The following FERMT2 variants were observed in gnomAD, a reference collection of about 807,000 sequenced individuals.
FERMT2 encodes the protein fermitin family homolog 2.
Under a neutral mutation model 82.7 loss-of-function variants are expected in FERMT2, and 15 were observed. The ratio of observed to expected loss-of-function variants is 0.18; its 90% CI spans 0.12 to 0.28. The LOEUF is 0.28. Ranked by LOEUF, FERMT2 falls within the 10% of genes least tolerant of loss-of-function variation. The probability of loss-of-function intolerance (pLI) is 1.00; values close to 1 mark genes in which losing one functional copy is unlikely to be tolerated. For synonymous variants in FERMT2, 274 were observed against 271.5 expected, an observed-to-expected ratio of 1.01 and a Z score of -0.09; for missense variants, 645 against 809.4, an observed-to-expected ratio of 0.80 and a Z score of 2.46.
At chr14:52,868,725 C>T (rs1463522630) in intron 10 of FERMT2, among the ~76,000 whole-genome samples, 1 of 152,130 alleles carries the variant, frequency 6.6e-6, no homozygotes, top group Admixed American at 6.5e-5. Flanking sequence ...TGGTGTGCAC[C>T]TGCAGTGTCA....
chr14:52,890,490 C>T lies in FERMT2; in HGVS notation c.526+2803G>A, dbSNP rs187956011. On this transcript the variant is annotated intron_variant, in intron 4 of 14. Coordinates refer to ENST00000341590, the MANE Select transcript of FERMT2 (RefSeq NM_006832.3). The stretch of plus-strand genomic sequence containing the variant: ...AAAAAAAAGAAGACAGTATTTTAAT[C>T]TTATGGGACTACAGTCATATATGTG... Among the ~76,000 whole-genome samples the T allele has an allele frequency of 1.6e-4, 24 of 151,196 alleles. No individual in the cohort carries two copies. In the East Asian group the frequency reaches 4.3e-3, roughly 27 times the overall value.
chr14:52,877,331 AG>A (rs1185187385), intron 7 of FERMT2, among the ~76,000 whole-genome samples: 4 of 152,292 alleles, frequency 2.6e-5, no homozygotes, highest in African/African-American at 9.6e-5. Flanking sequence ...AGGAGGATGC[AG>A]GAAGAAAGCC....
At chr14:52,860,262 G>T in intron 13 of FERMT2, 79 bp downstream of exon 13, 1 of 1,274,804 alleles carries the variant, frequency 7.8e-7, no homozygotes, top group Non-Finnish European at 1.1e-6. Context: ...TGCTTTAGAT[G>T]TTTAATATCT....
At chr14:52,901,567 CAGA>C (rs1328272132) in intron 3 of FERMT2, among the ~76,000 whole-genome samples, 2 of 152,094 alleles carry the variant, frequency 1.3e-5, no homozygotes, top group African/African-American at 4.8e-5. Context: ...AGAGATGAGA[CAGA>C]AGGAGTGGTC....
At chr14:52,950,740 C>G (rs1890595905) in intron 1 of FERMT2, 163 bp from the exon 2 acceptor site, 2 of 600,812 alleles carry the variant, frequency 3.3e-6, no homozygotes, top group Non-Finnish European at 5.6e-6. Context: ...CGGGAGGACC[C>G]TACGCCCCGC....
Position 52,860,346 on chromosome 14 carries a change from A to T in FERMT2, c.1722T>A (p.Ile574=). 6.2e-7 allele frequency: 1 copy of T among 1,613,858 alleles called. No individual in the cohort carries two copies. The highest frequency in any genetic ancestry group is 8.5e-7 in the Non-Finnish European group (1 of 1,179,922). ...SLPEFGITHF[I]ARFQGGKKEE... is the part of the protein sequence containing the mutation. ...AGATGCTTAGAACCACTGACCTTGCAATGAAGTGAGTGATGCCAAATTCAG... is the reference window on the plus strand; with the variant it reads ...AGATGCTTAGAACCACTGACCTTGCTATGAAGTGAGTGATGCCAAATTCAG... The change falls in exon 13 of 15, where the codon ATT becomes ATA. Residue 574 remains isoleucine, a synonymous_variant. Coordinates refer to ENST00000341590, the MANE Select transcript of FERMT2 (RefSeq NM_006832.3).
chr14:52,859,512 C>A, intron 14 of FERMT2, 61 bp downstream of exon 14: 1 of 1,376,806 alleles, frequency 7.3e-7, no homozygotes, highest in Non-Finnish European at 9.6e-7. Flanking sequence ...CCTTTTTATT[C>A]TTAATGTACT....
intron 7 of FERMT2, among the ~76,000 whole-genome samples, chr14:52,876,107 A>G (rs540691276): frequency 5.3e-5 from 8 of 152,194 alleles, no homozygotes; most frequent in Non-Finnish European, 1.2e-4. Context: ...TTAAATCTTA[A>G]TCAATTACCT....
At chr14:52,925,659 G>A (rs755965237) in intron 2 of FERMT2, among the ~76,000 whole-genome samples, 1 of 151,440 alleles carries the variant, frequency 6.6e-6, no homozygotes, top group African/African-American at 2.4e-5. Flanking sequence ...TTTCGTTTGA[G>A]ATGGAGTCTT....
intron 12 of FERMT2, among the ~76,000 whole-genome samples, chr14:52,863,864 A>C (rs1305049997): frequency 1.3e-5 from 2 of 152,204 alleles, no homozygotes; most frequent in Non-Finnish European, 2.9e-5. Flanking sequence ...TAAATTAAGG[A>C]ACACAAAGCA....
At chr14:52,936,888 C>T (rs1021659017) in intron 2 of FERMT2, among the ~76,000 whole-genome samples, 2 of 152,120 alleles carry the variant, frequency 1.3e-5, no homozygotes, top group Non-Finnish European at 2.9e-5. Context: ...GGAGCAGTGG[C>T]TCATGCTTGT....
intron 2 of FERMT2, among the ~76,000 whole-genome samples, chr14:52,945,847 A>C (rs1188172668): frequency 6.6e-6 from 1 of 152,228 alleles, no homozygotes; most frequent in Non-Finnish European, 1.5e-5. Flanking sequence ...TGTACACATA[A>C]GTTTTAAAAA....
In FERMT2 at chr14:52,881,344, G is replaced by T. The variant is rs1886284954; in HGVS notation, c.652C>A (p.Pro218Thr). 2 of 1,613,834 alleles carry T rather than the reference G, an allele frequency of 1.2e-6. No homozygotes were observed. Among genetic ancestry groups the T allele is most frequent in the Admixed American group, 1.7e-5 (1 of 59,978 alleles). Residue 218 changes from proline to threonine, a missense_variant, in exon 5 of 15, where the codon CCT becomes ACT. By Grantham distance (38) the Pro-to-Thr change is conservative. Transcript: ENST00000341590. ...GGTTGACTGACAGCAAGTATACCAGGATTGCCTTCTGACAAAGCACTGTCA... is the reference window on the plus strand; with the variant it reads ...GGTTGACTGACAGCAAGTATACCAGTATTGCCTTCTGACAAAGCACTGTCA... ...FGDSALSEGN[P>T]GILAVSQPIT... is the part of the protein sequence containing the mutation.
rs1011990527 is a variant in FERMT2 at position 52,857,790 on chromosome 14, C to G, written c.*587G>C. On this transcript the variant is annotated 3_prime_UTR_variant, in exon 15 of 15. Transcript: ENST00000341590. ...ACAATATGGTGTAAAAATAAAAACACGAGACAATATACATAACATGCTTAT... is the reference window on the plus strand; with the variant it reads ...ACAATATGGTGTAAAAATAAAAACAGGAGACAATATACATAACATGCTTAT... 6.6e-6 allele frequency: 1 copy of G among 152,564 alleles called. No homozygotes were observed. The highest frequency in any genetic ancestry group is 2.1e-4 in the South Asian group (1 of 4,820). 9.5% of individuals were successfully genotyped at this position (152,564 alleles called of 1,614,324 possible). A position where few individuals can be genotyped will look rare whatever the true frequency, so the allele number is the denominator to read the frequency against.
At chr14:52,932,102 G>T (rs980821990) in intron 2 of FERMT2, among the ~76,000 whole-genome samples, 2 of 152,212 alleles carry the variant, frequency 1.3e-5, no homozygotes, top group African/African-American at 2.4e-5. Context: ...GAGAAAACGG[G>T]GGGTGGAGCC....
At chr14:52,889,996 G>C (rs1012531724) in intron 4 of FERMT2, among the ~76,000 whole-genome samples, 5 of 151,952 alleles carry the variant, frequency 3.3e-5, no homozygotes, top group African/African-American at 1.2e-4. Context: ...AAGTATGGTG[G>C]TGTGCGCCTA....
chr14:52,892,706 T>C (rs865879855), intron 4 of FERMT2, among the ~76,000 whole-genome samples: 1 of 152,162 alleles, frequency 6.6e-6, no homozygotes, highest in Non-Finnish European at 1.5e-5. Flanking sequence ...TCCACCTGCC[T>C]TGGCTTCCCA....
intron 2 of FERMT2, among the ~76,000 whole-genome samples, chr14:52,949,358 T>C (rs978606910): frequency 2.0e-5 from 3 of 149,282 alleles, no homozygotes; most frequent in Non-Finnish European, 3.0e-5. Context: ...CCAGTGTAGC[T>C]TGAAAACGAA....
chr14:52,871,157 TTC>T (rs1302051905), intron 10 of FERMT2, among the ~76,000 whole-genome samples: 1 of 152,224 alleles, frequency 6.6e-6, no homozygotes, highest in Non-Finnish European at 1.5e-5. Flanking sequence ...TCCTTTCATT[TTC>T]TGTGTCTCTA....
Sources: allele counts gnomAD v4.1 joint callset (sites outside exome capture counted in the v4.1 genomes callset), GRCh38; gene constraint gnomAD v4.1.1; transcripts MANE v1.5; gene names NCBI Gene and HGNC (gene_info 2026-07-23, HGNC 2026-07-21).